NRG3: variants seen among roughly 807,000 people sequenced by gnomAD.
NRG3 encodes neuregulin 3.
In NRG3, 31 loss-of-function variants were observed where a neutral mutation model predicts 66.9. The ratio of observed to expected loss-of-function variants is 0.46; its 90% CI spans 0.35 to 0.63. The LOEUF (loss-of-function observed/expected upper bound fraction) is 0.63. Ranked by LOEUF, NRG3 falls within the 20% of genes least tolerant of loss-of-function variation. The pLI is 0.00. For synonymous variants in NRG3, 393 were observed against 359.4 expected (o/e 1.09, Z -1.06); for missense variants, 910 against 878.9 (o/e 1.04, Z -0.45).
intron 2 of NRG3, among the ~76,000 whole-genome samples, chr10:82,429,860 A>G (rs778876361): frequency 2.6e-5 from 4 of 152,106 alleles, no homozygotes; most frequent in East Asian, 3.9e-4. Flanking sequence ...CAATGGATCT[A>G]TCTTTAAGTT....
chr10:82,706,912 T>C (rs567494257), intron 2 of NRG3, among the ~76,000 whole-genome samples: 4 of 151,540 alleles, frequency 2.6e-5, no homozygotes, highest in African/African-American at 9.7e-5. Context: ...GAGAACTGCA[T>C]GAACCCAGGA....
At chr10:81,948,966 C>T (rs1849090406) in intron 1 of NRG3, among the ~76,000 whole-genome samples, 1 of 152,168 alleles carries the variant, frequency 6.6e-6, no homozygotes, top group Admixed American at 6.5e-5. Context: ...AGAACATTTC[C>T]TTGTGGAGCT....
chr10:82,093,489 A>G (rs560171799), intron 1 of NRG3, among the ~76,000 whole-genome samples: 2 of 152,318 alleles, frequency 1.3e-5, no homozygotes, highest in South Asian at 4.1e-4. Context: ...AACCATATAT[A>G]TGTAATTACT....
chr10:82,759,339 T>C (rs2059211315), intron 3 of NRG3, among the ~76,000 whole-genome samples: 1 of 151,980 alleles, frequency 6.6e-6, no homozygotes, highest in South Asian at 2.1e-4. Flanking sequence ...ACCAGAATTG[T>C]TAGCCAAATA....
chr10:82,525,269 T>C (rs959310732), intron 2 of NRG3, among the ~76,000 whole-genome samples: 2 of 151,804 alleles, frequency 1.3e-5, no homozygotes, highest in African/African-American at 4.8e-5. Context: ...ATGCTTTTAC[T>C]CTGGAAAAAA....
chr10:81,983,096 A>G (rs2060395345), intron 1 of NRG3, among the ~76,000 whole-genome samples: 1 of 152,176 alleles, frequency 6.6e-6, no homozygotes, highest in African/African-American at 2.4e-5. Flanking sequence ...TTCGGCTCTC[A>G]GACCTGTTGG....
chr10:82,804,318 A>G (rs1303649936), intron 3 of NRG3, among the ~76,000 whole-genome samples: 1 of 152,234 alleles, frequency 6.6e-6, no homozygotes, highest in Non-Finnish European at 1.5e-5. Context: ...GGCAAAAGAA[A>G]TTCATGCTAA....
intron 2 of NRG3, among the ~76,000 whole-genome samples, chr10:82,406,807 T>G (rs964085712): frequency 2.0e-5 from 3 of 152,086 alleles, no homozygotes; most frequent in Non-Finnish European, 4.4e-5. Context: ...CTTTTGTACA[T>G]TGAGACAGGT....
intron 3 of NRG3, among the ~76,000 whole-genome samples, chr10:82,816,756 G>T (rs924041753): frequency 1.3e-5 from 2 of 152,188 alleles, no homozygotes; most frequent in African/African-American, 4.8e-5. Flanking sequence ...AACTCAGAAG[G>T]AGGTGGGGCT....
At chr10:82,230,187 C>A (rs1285219417) in intron 1 of NRG3, 1 of 152,160 alleles carries the variant, frequency 6.6e-6, no homozygotes, top group Non-Finnish European at 1.5e-5. Flanking sequence ...AAAATGATCA[C>A]CGTCAATATC....
chr10:82,141,122 T>C (rs2069752196), intron 1 of NRG3, among the ~76,000 whole-genome samples: 1 of 152,118 alleles, frequency 6.6e-6, no homozygotes, highest in African/African-American at 2.4e-5. Flanking sequence ...AAAAGTGGTA[T>C]TTACTAGCAT....
intron 2 of NRG3, among the ~76,000 whole-genome samples, chr10:82,549,813 G>T (rs1453124695): frequency 6.6e-6 from 1 of 151,298 alleles, no homozygotes; most frequent in Non-Finnish European, 1.5e-5. Flanking sequence ...TGATGCTTGG[G>T]TGCCAATAAT....
At chr10:81,967,217 T>C (rs1475081116) in intron 1 of NRG3, among the ~76,000 whole-genome samples, 1 of 151,898 alleles carries the variant, frequency 6.6e-6, no homozygotes, top group Non-Finnish European at 1.5e-5. Flanking sequence ...TTATTGCTGA[T>C]TGTTGTTTTT....
intron 2 of NRG3, among the ~76,000 whole-genome samples, chr10:82,731,591 C>T (rs1400524681): frequency 6.7e-6 from 1 of 149,970 alleles, no homozygotes; most frequent in Non-Finnish European, 1.5e-5. Flanking sequence ...TCACAAATGA[C>T]AGAATTTCCT....
chr10:82,519,870 CAT>C (rs1467301705), intron 2 of NRG3, among the ~76,000 whole-genome samples: 2 of 151,992 alleles, frequency 1.3e-5, no homozygotes, highest in African/African-American at 2.4e-5. Context: ...CAGTTGAAAA[CAT>C]GTAGTCAATG....
chr10:82,869,210 G>T (rs1357047973), intron 4 of NRG3, among the ~76,000 whole-genome samples: 1 of 152,108 alleles, frequency 6.6e-6, no homozygotes, highest in Admixed American at 6.5e-5. Context: ...TTCTTTAATA[G>T]ACTTGATTTT....
chr10:82,806,843 G>T (rs1474140147), intron 3 of NRG3, among the ~76,000 whole-genome samples: 1 of 152,148 alleles, frequency 6.6e-6, no homozygotes, highest in Non-Finnish European at 1.5e-5. Context: ...GATAGAGCCT[G>T]TTGTAGACAT....
At chr10:82,267,773 T>A (rs1195170753) in intron 1 of NRG3, among the ~76,000 whole-genome samples, 1 of 152,140 alleles carries the variant, frequency 6.6e-6, no homozygotes, top group Non-Finnish European at 1.5e-5. Context: ...CTCTGCATGG[T>A]GAGGAGTGTG....
At position 81,955,456 on chromosome 10, in the gene NRG3, T is replaced by G. The variant is rs568657145; in HGVS notation, c.823+79293T>G. 4.6e-5 allele frequency among the ~76,000 whole-genome samples: 7 copies of G among 152,250 alleles called. No individual in the cohort carries two copies. The South Asian group carries it at 1.4e-3, about 32-fold the overall frequency. ...CCATTTATTTTAGTTCTGCATTTCA[T>G]AGCCTTGTCAATGATGAGGACTGAT... is the stretch of plus-strand genomic sequence containing the variant. On this transcript the variant is annotated intron_variant, in intron 1 of 8. Transcript: ENST00000372141.
Sources: allele counts gnomAD v4.1 joint callset (sites outside exome capture counted in the v4.1 genomes callset), GRCh38; gene constraint gnomAD v4.1.1; transcripts MANE v1.5; gene names NCBI Gene and HGNC (gene_info 2026-07-23, HGNC 2026-07-21).